Variants in PC observed in about 807,000 individuals in gnomAD.
PC encodes pyruvate carboxylase.
A neutral mutation model predicts 107.8 loss-of-function variants in PC; 46 were observed. The ratio of observed to expected loss-of-function variants is 0.43; its 90% CI spans 0.34 to 0.55. The LOEUF is 0.55. Ranked by LOEUF, PC falls within the 20% of genes least tolerant of loss-of-function variation. The pLI, the probability that PC is intolerant of heterozygous loss-of-function variation, is 0.04. For missense variants in PC, 1,241 were observed against 1,643.1 expected (o/e 0.76, Z 4.23); for synonymous variants, 662 against 684.7 (o/e 0.97, Z 0.52).
In PC at chr11:66,858,729, C is replaced by A; in HGVS notation, c.1368+5045G>T. On this transcript the variant is annotated intron_variant, in intron 12 of 22. Coordinates refer to ENST00000393960, the MANE Select transcript of PC (RefSeq NM_001040716.2). This position sits in a 1 kb window ranked among gnomAD's most constrained non-coding sequence, Gnocchi z 5.9. ...GTTGGTTGGCAACTCCTCCCGAGCC[C>A]GGGCTTTCCCCAACGGGACCTTAGA... 2.6e-6 allele frequency: 4 copies of A among 1,553,294 alleles called. No homozygotes were observed. Among genetic ancestry groups the A allele is most frequent in the African/African-American group, 1.4e-5 (1 of 73,602 alleles).
chr11:66,916,632 G>C (rs1948469189), intron 3 of PC, among the ~76,000 whole-genome samples: 1 of 152,144 alleles, frequency 6.6e-6, no homozygotes. Flanking sequence ...AGGGAGAAAA[G>C]CATGACACTA....
chr11:66,912,866 A>T (rs1238468772), intron 3 of PC, among the ~76,000 whole-genome samples: 1 of 152,090 alleles, frequency 6.6e-6, no homozygotes, highest in Admixed American at 6.6e-5. Flanking sequence ...TTCCCACCAC[A>T]TTCCCTTCCT....
intron 3 of PC, among the ~76,000 whole-genome samples, chr11:66,915,397 G>A (rs1948441032): frequency 6.6e-6 from 1 of 152,318 alleles, no homozygotes; most frequent in East Asian, 1.9e-4. Flanking sequence ...ATTGAACAGG[G>A]AATGGCCTTC....
intron 3 of PC, among the ~76,000 whole-genome samples, chr11:66,886,016 A>G (rs1295654476): frequency 6.6e-6 from 1 of 152,236 alleles, no homozygotes; most frequent in Non-Finnish European, 1.5e-5. Flanking sequence ...CTTTCAGAGC[A>G]TGTCGCTATT....
intron 12 of PC, among the ~76,000 whole-genome samples, chr11:66,862,972 CTG>C (rs1282037997): frequency 1.3e-5 from 2 of 152,342 alleles, no homozygotes; most frequent in Admixed American, 6.5e-5. Flanking sequence ...GGGCCTGACA[CTG>C]TGCAAAGTGA....
At position 66,895,026 on chromosome 11, in the gene PC, GA is replaced by G. The variant is rs11421698; in HGVS notation, c.1-22868del. On this transcript the variant is annotated intron_variant, in intron 3 of 22. Transcript: ENST00000393960. Reference sequence around the variant, plus strand: ...GACAAGAGTTAAAACTCCGTCTCAGGAAAAAAAAAAAAAAAAATAGCAGTTA... The same window carrying G: ...GACAAGAGTTAAAACTCCGTCTCAGGAAAAAAAAAAAAAAAATAGCAGTTA... Among the ~76,000 whole-genome samples the G allele has an allele frequency of 3.2e-3, 400 of 126,726 alleles. 1 individual carries two copies. Among genetic ancestry groups the G allele is most frequent in the Middle Eastern group, 8.5e-3 (2 of 236 alleles). The allele number at this position is 126,726 out of a possible 152,430, so 83.1% of individuals were successfully genotyped here.
rs774935042 is a variant in PC, at chr11:66,850,446, A to G, written c.2492T>C (p.Val831Ala). ...PLDTEVPMER[V>A]FDYSEYWEGA... ...CTCCCAGTACTCACTGTAGTCAAACACGCGCTCCATGGGCACCTCTGCAGG... is the reference window on the plus strand; with the variant it reads ...CTCCCAGTACTCACTGTAGTCAAACGCGCGCTCCATGGGCACCTCTGCAGG... Residue 831 changes from valine (V) to alanine (A), a missense_variant, in exon 19 of 23, where the codon GTG becomes GCG. Around this residue, in one of 2 missense-constraint regions of PC, gnomAD observed 1,143 missense variants for 1,551.9 expected, o/e 0.74. Coordinates refer to ENST00000393960, the MANE Select transcript of PC (RefSeq NM_001040716.2). 1.9e-6 allele frequency: 3 copies of G among 1,613,822 alleles called. No individual in the cohort carries two copies. The highest frequency in any genetic ancestry group is 1.7e-6 in the Non-Finnish European group (2 of 1,179,994).
At position 66,868,841 on chromosome 11, in the gene PC, C is replaced by T; in HGVS notation, c.1022+5G>A. The T allele has an allele frequency of 1.9e-6, 3 of 1,608,936 alleles. No homozygotes were observed. Among genetic ancestry groups the T allele is most frequent in the Non-Finnish European group, 2.6e-6 (3 of 1,175,680 alleles). On this transcript the variant is annotated splice_donor_5th_base_variant and intron_variant, in intron 10 of 22. Coordinates refer to ENST00000393960, the MANE Select transcript of PC (RefSeq NM_001040716.2). Reference sequence around the variant, plus strand: ...CTCCCGCCCCGCCTGCCCGCCCACACTCACTCGGTGATCTCCTCTGTGACC... The same window carrying T: ...CTCCCGCCCCGCCTGCCCGCCCACATTCACTCGGTGATCTCCTCTGTGACC...
At chr11:66,942,225 C>T (rs1346389996) in intron 3 of PC, among the ~76,000 whole-genome samples, 5 of 150,930 alleles carry the variant, frequency 3.3e-5, no homozygotes, top group Admixed American at 1.3e-4. Context: ...GGTGAAACCC[C>T]GTCTCTACTA....
intron 3 of PC, among the ~76,000 whole-genome samples, chr11:66,916,849 G>A (rs188416810): frequency 1.6e-3 from 246 of 152,102 alleles, no homozygotes; most frequent in African/African-American, 5.5e-3. Flanking sequence ...AGCTACTCAG[G>A]AGGCTAAGGC....
intron 3 of PC, among the ~76,000 whole-genome samples, chr11:66,905,750 G>A (rs1948144101): frequency 6.6e-6 from 1 of 152,122 alleles, no homozygotes; most frequent in Non-Finnish European, 1.5e-5. Context: ...ATGAGAAAGA[G>A]CTTGGCCTCA....
chr11:66,927,447 C>T (rs962566350), intron 3 of PC, among the ~76,000 whole-genome samples: 1 of 151,622 alleles, frequency 6.6e-6, no homozygotes, highest in Admixed American at 6.6e-5. Flanking sequence ...GCAAGCTGGG[C>T]GCAGTGGCTC....
rs1591107786 is a variant in PC, at chr11:66,848,627, C to T, written c.*272G>A. ...AGGACCCCTAAACCTCCCCTGGGTC[C>T]TAGGACCACCTGACCCACCACTTGT... On this transcript the variant is annotated 3_prime_UTR_variant, in exon 23 of 23. Coordinates refer to ENST00000393960, the MANE Select transcript of PC (RefSeq NM_001040716.2). 2 of 606,862 alleles carry T rather than the reference C, an allele frequency of 3.3e-6. No homozygotes were observed. The highest frequency in any genetic ancestry group is 1.9e-5 in the African/African-American group (1 of 53,984). 37.6% of individuals were successfully genotyped at this position (606,862 alleles called of 1,614,324 possible). A position where few individuals can be genotyped will look rare whatever the true frequency, so the allele number is the denominator to read the frequency against.
chr11:66,903,762 A>AT, intron 3 of PC, among the ~76,000 whole-genome samples: 1 of 133,148 alleles, frequency 7.5e-6, no homozygotes, highest in African/African-American at 2.8e-5. Context: ...GAAAAAAAAA[A>AT]AAAAAAAAAA....
chr11:66,860,148 C>CG (rs1565229485), intron 12 of PC: 2 of 1,548,998 alleles, frequency 1.3e-6, no homozygotes, highest in Admixed American at 2.0e-5. Context: ...GGCAGGGTGC[C>CG]GGGGGGTAGG....
At chr11:66,898,912 C>T (rs1473051843) in intron 3 of PC, among the ~76,000 whole-genome samples, 1 of 152,128 alleles carries the variant, frequency 6.6e-6, no homozygotes, top group South Asian at 2.1e-4. Context: ...TCTTGTTGCC[C>T]GGGCTGGAGT....
At chr11:66,889,335 G>C (rs1034603840) in intron 3 of PC, among the ~76,000 whole-genome samples, 5 of 151,896 alleles carry the variant, frequency 3.3e-5, no homozygotes, top group African/African-American at 1.2e-4. Flanking sequence ...GGGCAAATGA[G>C]CCTCAGGGTA....
In PC at chr11:66,871,249, C is replaced by T. The variant is rs376202650; in HGVS notation, c.488-52G>A. 3.0e-4 allele frequency: 492 copies of T among 1,613,698 alleles called. 2 individuals carry two copies. In the South Asian group the frequency reaches 4.7e-3, roughly 16 times the overall value. ...CTCTGTAACAGGCGGGAATCCCTGC[C>T]ACCCCTCCCTGCTGGACCCTCTCCA... On this transcript the variant is annotated intron_variant, in intron 6 of 22. Transcript: ENST00000393960. The surrounding 1 kb of genome is among the most constrained non-coding windows in gnomAD (Gnocchi z 7.4).
chr11:66,928,385 CAA>C (rs752969475), intron 3 of PC, among the ~76,000 whole-genome samples: 3 of 94,772 alleles, frequency 3.2e-5, no homozygotes, highest in Admixed American at 1.3e-4. Context: ...GACTCCATCT[CAA>C]AAAAAAAAAA....
Sources: gnomAD v4.1 joint callset for allele counts (sites outside exome capture counted in the v4.1 genomes callset) on GRCh38, gnomAD v4.1.1 for gene constraint, gnomAD v4.1.1 regional missense constraint, Gnocchi (gnomAD v3.1) non-coding constraint, MANE v1.5 for transcripts, NCBI Gene and HGNC (gene_info 2026-07-23, HGNC 2026-07-21) for gene names.